C11orf65: variants seen among roughly 807,000 people sequenced by gnomAD.
The protein encoded by C11orf65 is protein MFI.
In C11orf65, 38 loss-of-function variants were observed where a neutral mutation model predicts 35.3. The ratio of observed to expected loss-of-function variants is 1.08; its 90% CI spans 0.83 to 1.41. C11orf65 has a LOEUF of 1.41. Among genes scored for constraint, C11orf65 ranks in the 40% most tolerant of loss-of-function variants. The pLI is 0.00. For missense variants in C11orf65, 370 were observed against 367.1 expected (o/e 1.01, Z -0.06); for synonymous variants, 105 against 114.4 (o/e 0.92, Z 0.53).
chr11:108,424,053 A>G (rs1591523408), intron 3 of C11orf65, among the ~76,000 whole-genome samples: 3 of 152,194 alleles, frequency 2.0e-5, no homozygotes, highest in Non-Finnish European at 4.4e-5. Flanking sequence ...TGGACAGAGA[A>G]TGAGTTAGAC....
rs71047691 is a variant in C11orf65, at chr11:108,403,409, G to GTTTTTTTTTTTTTTTT, written c.560+2019_560+2020insAAAAAAAAAAAAAAAA. On this transcript the variant is annotated intron_variant, in intron 6 of 8. Transcript: ENST00000393084. ...ACTTTAAAATGTGATTGTTTGAGAGGTTTTTTTTTTGTTTTTTTTTTTTTT... is the reference window on the plus strand; with the variant it reads ...ACTTTAAAATGTGATTGTTTGAGAGGTTTTTTTTTTTTTTTTTTTTTTTTTTGTTTTTTTTTTTTTT... 1.4e-3 allele frequency among the ~76,000 whole-genome samples: 92 copies of GTTTTTTTTTTTTTTTT among 67,242 alleles called. 1 individual carries two copies. Among genetic ancestry groups the GTTTTTTTTTTTTTTTT allele is most frequent in the East Asian group, 3.2e-3 (5 of 1,548 alleles). The allele number at this position is 67,242 out of a possible 152,430, so 44.1% of individuals were successfully genotyped here.
intron 3 of C11orf65, among the ~76,000 whole-genome samples, chr11:108,424,860 A>C (rs933972769): frequency 6.6e-6 from 1 of 152,194 alleles, no homozygotes; most frequent in Non-Finnish European, 1.5e-5. Context: ...ACTCACTCAA[A>C]ACTGCACAAC....
At chr11:108,431,903 T>C in intron 2 of C11orf65, 65 bp from the exon 3 acceptor site, 1 of 983,278 alleles carries the variant, frequency 1.0e-6, no homozygotes. Flanking sequence ...TCGCTTTTTG[T>C]CTAATCAGGG....
intron 2 of C11orf65, chr11:108,353,606 T>A (rs2089469034): frequency 1.6e-6 from 1 of 633,274 alleles, no homozygotes; most frequent in Admixed American, 2.4e-5. Flanking sequence ...GTGACAAAGA[T>A]GAGGAAGGCA....
At position 108,411,913 on chromosome 11, in the gene C11orf65, A is replaced by G. The variant is rs536356190; in HGVS notation, c.175-4764T>C. On this transcript the variant is annotated intron_variant, in intron 3 of 8. Coordinates refer to ENST00000393084, the MANE Select transcript of C11orf65 (RefSeq NM_152587.5). Reference sequence around the variant, plus strand: ...GTGGTTCTCCTGCCTCAGCTTCCCAAGTAACTGGGATTTACTTTTGCCTGA... The same window carrying G: ...GTGGTTCTCCTGCCTCAGCTTCCCAGGTAACTGGGATTTACTTTTGCCTGA... 1.1e-4 allele frequency among the ~76,000 whole-genome samples: 16 copies of G among 151,854 alleles called. No homozygotes were observed. The East Asian group carries it at 3.1e-3, about 29-fold the overall frequency.
chr11:108,400,080 A>G (rs2092410273), intron 6 of C11orf65, among the ~76,000 whole-genome samples: 1 of 152,036 alleles, frequency 6.6e-6, no homozygotes, highest in Non-Finnish European at 1.5e-5. Context: ...TCTGCTACAC[A>G]CCTCTTTCTT....
chr11:108,433,862 G>A (rs905343302), intron 2 of C11orf65, among the ~76,000 whole-genome samples: 1 of 152,092 alleles, frequency 6.6e-6, no homozygotes, highest in African/African-American at 2.4e-5. Context: ...TAGCATACCT[G>A]GTTGTATATT....
intron 2 of C11orf65, among the ~76,000 whole-genome samples, chr11:108,360,468 C>A (rs1210082997): frequency 1.6e-5 from 2 of 122,742 alleles, no homozygotes; most frequent in African/African-American, 6.2e-5. Context: ...CATTCTGATA[C>A]CAAAGCCGGG....
chr11:108,349,629 CT>C (rs1473522885), intron 2 of C11orf65, among the ~76,000 whole-genome samples: 1 of 152,046 alleles, frequency 6.6e-6, no homozygotes, highest in Admixed American at 6.6e-5. Context: ...TGCCACTGCA[CT>C]TCAGCCTGGG....
At chr11:108,412,109 A>G (rs1397328357) in intron 3 of C11orf65, among the ~76,000 whole-genome samples, 1 of 151,838 alleles carries the variant, frequency 6.6e-6, no homozygotes, top group Non-Finnish European at 1.5e-5. Flanking sequence ...CATGATGTAT[A>G]TTTTTCCATT....
At chr11:108,429,879 A>G (rs1013920399) in intron 3 of C11orf65, among the ~76,000 whole-genome samples, 3 of 152,196 alleles carry the variant, frequency 2.0e-5, no homozygotes, top group Non-Finnish European at 4.4e-5. Context: ...GCTAAGTGAC[A>G]TAAGCCAATC....
downstream of C11orf65, among the ~76,000 whole-genome samples, chr11:108,328,030 C>T (rs2085857782): frequency 6.6e-6 from 1 of 152,124 alleles, no homozygotes; most frequent in South Asian, 2.1e-4. Context: ...TGCTTCTGAT[C>T]ATTTCTTCAT....
intron 2 of C11orf65, among the ~76,000 whole-genome samples, chr11:108,432,340 T>A (rs1037153745): frequency 6.6e-6 from 1 of 152,204 alleles, no homozygotes; most frequent in African/African-American, 2.4e-5. Context: ...TTGTAGAGCA[T>A]GTAAAGCTTT....
chr11:108,465,098 C>T (rs976627141), intron 1 of C11orf65, among the ~76,000 whole-genome samples: 2 of 152,204 alleles, frequency 1.3e-5, no homozygotes, highest in African/African-American at 4.8e-5. Flanking sequence ...AACGTGACAG[C>T]ATTAGCATTA....
intron 6 of C11orf65, among the ~76,000 whole-genome samples, chr11:108,404,990 A>G (rs2092513514): frequency 6.6e-6 from 1 of 152,204 alleles, no homozygotes. Flanking sequence ...CATTAACTTT[A>G]GTTAAAAAGA....
chr11:108,399,729 T>A (rs1056580669), intron 6 of C11orf65, among the ~76,000 whole-genome samples: 2 of 152,172 alleles, frequency 1.3e-5, no homozygotes, highest in African/African-American at 2.4e-5. Flanking sequence ...CACATTTATT[T>A]TACACTAAAA....
chr11:108,442,545 G>C (rs2093172781), intron 2 of C11orf65, among the ~76,000 whole-genome samples: 2 of 152,168 alleles, frequency 1.3e-5, no homozygotes, highest in Admixed American at 1.3e-4. Flanking sequence ...AAGTTGAAAT[G>C]AAGGAAAAAA....
chr11:108,451,170 G>A (rs928697965), intron 2 of C11orf65, among the ~76,000 whole-genome samples: 37 of 152,076 alleles, frequency 2.4e-4, no homozygotes, highest in Non-Finnish European at 4.0e-4. Context: ...AATCAGGCAG[G>A]AGAAAGAAAT....
At chr11:108,407,228 T>G (rs555505618) in intron 3 of C11orf65, 79 bp from the exon 4 acceptor site, 20 of 990,266 alleles carry the variant, frequency 2.0e-5, no homozygotes, top group Non-Finnish European at 2.6e-5. Context: ...CACTCTATTA[T>G]TTTAAATAAT....
Sources: allele counts gnomAD v4.1 joint callset (sites outside exome capture counted in the v4.1 genomes callset), GRCh38; gene constraint gnomAD v4.1.1; transcripts MANE v1.5; gene names NCBI Gene and HGNC (gene_info 2026-07-23, HGNC 2026-07-21).